The following ANKRD24 variants were observed in gnomAD, a reference collection of about 807,000 sequenced individuals.
The protein encoded by ANKRD24 is ankyrin repeat domain 24, also known as ankyrin repeat domain-containing protein 24.
Under a neutral mutation model 127.8 loss-of-function variants are expected in ANKRD24, and 109 were observed. That is an observed-to-expected ratio of 0.85 (90% confidence interval 0.73 to 1.00). ANKRD24 has a LOEUF of 1.00. Ranked by LOEUF, ANKRD24 falls within the 50% of genes least tolerant of loss-of-function variation. The probability of loss-of-function intolerance (pLI) is 0.00; values close to 1 mark genes in which losing one functional copy is unlikely to be tolerated. For missense variants in ANKRD24, 1,648 were observed against 1,570.2 expected (o/e 1.05, Z -0.84); for synonymous variants, 743 against 671.1 (o/e 1.11, Z -1.66).
chr19:4,191,075 G>A (rs1187312529), intron 2 of ANKRD24, among the ~76,000 whole-genome samples: 1 of 152,184 alleles, frequency 6.6e-6, no homozygotes, highest in Admixed American at 6.6e-5. Flanking sequence ...GCCTCTGAGA[G>A]TGTCTGGAGC....
intron 1 of ANKRD24, 117 bp downstream of exon 1, chr19:4,182,857 C>T (rs1967805183): frequency 7.6e-6 from 4 of 529,530 alleles, no homozygotes; most frequent in Non-Finnish European, 9.7e-6. Context: ...TATCCATGTC[C>T]CCACAACCCC....
intron 19 of ANKRD24, among the ~76,000 whole-genome samples, chr19:4,221,968 C>A (rs193205745): frequency 7.7e-4 from 118 of 152,296 alleles, no homozygotes; most frequent in Non-Finnish European, 7.3e-4. Context: ...CCTTGGGGGG[C>A]AGAATTGCCT....
chr19:4,207,866 G>T lies in ANKRD24; in HGVS notation c.730G>T (p.Asp244Tyr), dbSNP rs757009734. 2 of 1,560,562 alleles carry T rather than the reference G, an allele frequency of 1.3e-6. No individual in the cohort carries two copies. Among genetic ancestry groups the T allele is most frequent in the Admixed American group, 2.1e-5 (1 of 48,242 alleles). Residue 244 changes from aspartate (D) to tyrosine (Y), a missense_variant, in exon 10 of 22, where the codon GAT (aspartate) becomes TAT (tyrosine). Coordinates refer to ENST00000318934, the MANE Select transcript of ANKRD24 (RefSeq NM_001393985.1). Reference protein sequence around the residue: ...LQGGAQPGITDALGQDAAHYG... With the variant: ...LQGGAQPGITYALGQDAAHYG... ...GGGCGGAGCCCAGCCGGGCATCACCGATGCGCTGGGGCAGGACGCGGCTCA... is the reference window on the plus strand; with the variant it reads ...GGGCGGAGCCCAGCCGGGCATCACCTATGCGCTGGGGCAGGACGCGGCTCA...
chr19:4,214,744 C>T (rs950986976), intron 15 of ANKRD24, among the ~76,000 whole-genome samples: 3 of 152,150 alleles, frequency 2.0e-5, no homozygotes, highest in South Asian at 2.1e-4. Flanking sequence ...ATCCCAGCTA[C>T]TCGGGAGGCT....
In ANKRD24 at chr19:4,220,839, G is replaced by A. The variant is rs1970403996; in HGVS notation, c.3171+1081G>A. On this transcript the variant is annotated intron_variant, in intron 19 of 21. Coordinates refer to ENST00000318934, the MANE Select transcript of ANKRD24 (RefSeq NM_001393985.1). The stretch of plus-strand genomic sequence containing the variant: ...CAGAGTGCTGGGATTACAGGCGTGA[G>A]TCACCGCGACCGGCCTCACACATTA... 3.3e-5 allele frequency among the ~76,000 whole-genome samples: 5 copies of A among 151,784 alleles called. No individual in the cohort carries two copies. In the South Asian group the frequency reaches 1.0e-3, roughly 32 times the overall value.
In ANKRD24 at chr19:4,216,904, A is replaced by G. The variant is rs1000921721; in HGVS notation, c.1744A>G (p.Thr582Ala). The part of the protein sequence containing the change: ...MEARTMEAEA[T>A]GAEATGAEAT... ...AGCCAGGACTATGGAAGCTGAGGCC[A>G]CGGGAGCCGAGGCCACGGGAGCTGA... is the stretch of plus-strand genomic sequence containing the variant. The change falls in exon 18 of 22, where the codon ACG becomes GCG. Residue 582 changes from threonine to alanine, a missense_variant. Thr to Ala is a moderately conservative substitution (Grantham distance 58). Coordinates refer to ENST00000318934, the MANE Select transcript of ANKRD24 (RefSeq NM_001393985.1). 2 of 1,610,060 alleles carry G rather than the reference A, an allele frequency of 1.2e-6. No individual in the cohort carries two copies. The highest frequency in any genetic ancestry group is 1.7e-6 in the Non-Finnish European group (2 of 1,178,214).
intron 15 of ANKRD24, among the ~76,000 whole-genome samples, chr19:4,213,147 C>T (rs1378809988): frequency 6.6e-6 from 1 of 152,012 alleles, no homozygotes; most frequent in Non-Finnish European, 1.5e-5. Context: ...ACAAACAGTC[C>T]CACAGTCACA....
At chr19:4,203,035 TC>T (rs1555714729) in intron 7 of ANKRD24, 109 bp downstream of exon 7, 3 of 602,390 alleles carry the variant, frequency 5.0e-6, no homozygotes, top group South Asian at 3.4e-5. Flanking sequence ...GCTTCCTGTC[TC>T]CTCCTTTCTT....
At chr19:4,190,424 G>GAA (rs540316686) in intron 2 of ANKRD24, among the ~76,000 whole-genome samples, 3 of 107,180 alleles carry the variant, frequency 2.8e-5, no homozygotes, top group Non-Finnish European at 1.9e-5. Context: ...ACTCCGTCTC[G>GAA]AAAAAAAAAA....
chr19:4,197,338 G>A (rs1247123637), intron 2 of ANKRD24, among the ~76,000 whole-genome samples: 3 of 151,764 alleles, frequency 2.0e-5, no homozygotes, highest in Non-Finnish European at 4.4e-5. Flanking sequence ...ACGAATGGGC[G>A]TGCCAATGAA....
Position 4,217,381 on chromosome 19 carries a change from C to T in ANKRD24, c.2221C>T (p.Arg741Trp), listed in dbSNP as rs1299505830. Residue 741 changes from arginine (R) to tryptophan (W), a missense_variant, in exon 18 of 22, where the codon CGG becomes TGG. By Grantham distance (101) the Arg-to-Trp change is moderately radical. Coordinates refer to ENST00000318934, the MANE Select transcript of ANKRD24 (RefSeq NM_001393985.1). Reference protein sequence around the residue: ...GLEEALRQREREAAAELEAAL... With the variant: ...GLEEALRQREWEAAAELEAAL... ...GGAGGAGGCTCTCCGGCAGCGGGAG[C>T]GGGAGGCAGCTGCGGAGCTGGAGGC... 5.2e-6 allele frequency: 8 copies of T among 1,550,442 alleles called. No individual in the cohort carries two copies. The African/African-American group carries it at 5.5e-5, about 11-fold the overall frequency.
chr19:4,219,262 G>C (rs140442174), intron 18 of ANKRD24, among the ~76,000 whole-genome samples: 2 of 151,774 alleles, frequency 1.3e-5, no homozygotes, highest in African/African-American at 4.8e-5. Context: ...CTCCAGCCTA[G>C]GCGACAGAGC....
intron 18 of ANKRD24, among the ~76,000 whole-genome samples, chr19:4,218,553 G>A (rs1023832853): frequency 6.6e-6 from 1 of 152,030 alleles, no homozygotes; most frequent in Admixed American, 6.6e-5. Context: ...ACCCACCTCA[G>A]CCTCTCAAAG....
At position 4,217,032 on chromosome 19, in the gene ANKRD24, A is replaced by T; in HGVS notation, c.1872A>T (p.Gly624=). The T allele has an allele frequency of 6.2e-7, 1 of 1,613,902 alleles. No individual in the cohort carries two copies. Residue 624 remains glycine (G), a synonymous_variant, in exon 18 of 22, where the codon GGA becomes GGT. Coordinates refer to ENST00000318934, the MANE Select transcript of ANKRD24 (RefSeq NM_001393985.1). ...CAAACATGGAAACTAAGCCCACAGG[A>T]GCTCAGGCCACAGACACAGAGACCA... ...EEANMETKPT[G]AQATDTETTG...
chr19:4,214,057 A>G (rs928996025), intron 15 of ANKRD24, among the ~76,000 whole-genome samples: 3 of 152,226 alleles, frequency 2.0e-5, no homozygotes, highest in Admixed American at 6.5e-5. Flanking sequence ...CAGACACGCA[A>G]GAAACAACGT....
In ANKRD24 at chr19:4,208,885, A is replaced by G; in HGVS notation, c.870+84A>G. 5 of 1,463,786 alleles carry G rather than the reference A, an allele frequency of 3.4e-6. No individual in the cohort carries two copies. The South Asian group carries it at 4.9e-5, about 14-fold the overall frequency. The allele number at this position is 1,463,786 out of a possible 1,614,324, so 90.7% of individuals were successfully genotyped here. On this transcript the variant is annotated intron_variant, in intron 11 of 21. Coordinates refer to ENST00000318934, the MANE Select transcript of ANKRD24 (RefSeq NM_001393985.1). ...CCTGCCCCAAGCTCTGTGAGAAGAG[A>G]AGGAAGTTAGACCTGGGAAAACCTG...
At position 4,198,066 on chromosome 19, in the gene ANKRD24, C is replaced by G. The variant is rs1424020961; in HGVS notation, c.37-1617C>G. 2.4e-6 allele frequency: 1 copy of G among 418,248 alleles called. No homozygotes were observed. The highest frequency in any genetic ancestry group is 4.2e-6 in the Non-Finnish European group (1 of 235,762). 25.9% of individuals were successfully genotyped at this position (418,248 alleles called of 1,614,324 possible). On this transcript the variant is annotated intron_variant, in intron 2 of 21. Transcript: ENST00000318934. The surrounding 1 kb of genome is among the most constrained non-coding windows in gnomAD (Gnocchi z 6.1). ...TGGAGGTGCGAGGCTGCGGACGTCG[C>G]GGGCCCGGAGGCACCTGCGCGCCCT... is the stretch of plus-strand genomic sequence containing the variant.
In ANKRD24 at chr19:4,218,282, A is replaced by T. The variant is rs1970242802; in HGVS notation, c.3003+119A>T. The T allele has an allele frequency of 5.9e-6, 4 of 674,130 alleles. No individual in the cohort carries two copies. In the Admixed American group the frequency reaches 1.4e-4, roughly 23 times the overall value. The allele number at this position is 674,130 out of a possible 1,614,324, so 41.8% of individuals were successfully genotyped here. ...AGTTTTACTTGAACAGACCTACTTT[A>T]TTTTATTTATTTATTTATTTATTTA... On this transcript the variant is annotated intron_variant, in intron 18 of 21. Transcript: ENST00000318934.
rs1278863438 is a variant in ANKRD24, at chr19:4,217,921, C to G, written c.2761C>G (p.Arg921Gly). 6.7e-7 allele frequency: 1 copy of G among 1,493,142 alleles called. No homozygotes were observed. The highest frequency in any genetic ancestry group is 1.5e-5 in the African/African-American group (1 of 68,548). The allele number at this position is 1,493,142 out of a possible 1,614,324, so 92.5% of individuals were successfully genotyped here. ...QSVVPASEHRRLQEEALELRG... is the reference protein window; with the variant it reads ...QSVVPASEHRGLQEEALELRG... ...CGTGGTGCCGGCCTCTGAGCACCGC[C>G]GGCTGCAGGAGGAGGCCCTGGAGCT... The change falls in exon 18 of 22, where the codon CGG (arginine) becomes GGG (glycine). Residue 921 changes from arginine (R) to glycine (G), a missense_variant. Physicochemically the swap from Arg to Gly is moderately radical, Grantham distance 125. Transcript: ENST00000318934.
Sources: gnomAD v4.1 joint callset for allele counts (sites outside exome capture counted in the v4.1 genomes callset) on GRCh38, gnomAD v4.1.1 for gene constraint, Gnocchi (gnomAD v3.1) non-coding constraint, MANE v1.5 for transcripts, NCBI Gene and HGNC (gene_info 2026-07-23, HGNC 2026-07-21) for gene names.